Variants in OR5AN1 observed in about 807,000 individuals in gnomAD.
The protein encoded by OR5AN1 is olfactory receptor 5AN1.
For missense variants in OR5AN1, 476 were observed against 368.9 expected (o/e 1.29, Z -2.38); for synonymous variants, 167 against 131.8 (o/e 1.27, Z -1.83).
At position 59,364,571 on chromosome 11, in the gene OR5AN1, C is replaced by T; in HGVS notation, c.113C>T (p.Thr38Ile). 1 of 1,613,854 alleles carries T rather than the reference C, an allele frequency of 6.2e-7. No individual in the cohort carries two copies. The highest frequency in any genetic ancestry group is 1.1e-5 in the South Asian group (1 of 91,064). Residue 38 changes from threonine (T) to isoleucine (I), a missense_variant, in exon 2 of 2, where the codon ACA becomes ATA. Thr to Ile is a moderately conservative substitution (Grantham distance 89, BLOSUM62 -1). Transcript: ENST00000641998. ...ACTATATTCCTGGTGATCTACATTA[C>T]ATCTCTGGCCTGGAACCTCTCCCTC... is the stretch of plus-strand genomic sequence containing the variant. ...LFTIFLVIYI[T>I]SLAWNLSLIV...
At chr11:59,361,110 A>G (rs567177560) in intron 1 of OR5AN1, among the ~76,000 whole-genome samples, 3 of 145,030 alleles carry the variant, frequency 2.1e-5, no homozygotes, top group Non-Finnish European at 4.8e-5. Context: ...ACACAATACT[A>G]CAAGATAGAA....
chr11:59,364,591 T>TC lies in OR5AN1; in HGVS notation c.136dup (p.Leu46ProfsTer21). On this transcript the variant is annotated frameshift_variant, in exon 2 of 2. Transcript: ENST00000641998. LOFTEE classifies it low-confidence loss of function (END_TRUNC). ...CATTACATCTCTGGCCTGGAACCTC[T>TC]CCCTCATTGTTTTAATAAGGATGGA... 1 of 1,613,950 alleles carries TC rather than the reference T, an allele frequency of 6.2e-7. No individual in the cohort carries two copies. Among genetic ancestry groups the TC allele is most frequent in the East Asian group, 2.2e-5 (1 of 44,878 alleles).
At chr11:59,363,374 T>A (rs1176648253) in intron 1 of OR5AN1, among the ~76,000 whole-genome samples, 1 of 152,180 alleles carries the variant, frequency 6.6e-6, no homozygotes, top group Non-Finnish European at 1.5e-5. Context: ...AACTCCAAAG[T>A]CTGAACCCTT....
intron 1 of OR5AN1, among the ~76,000 whole-genome samples, chr11:59,362,782 T>C (rs900140589): frequency 6.6e-6 from 1 of 152,222 alleles, no homozygotes; most frequent in African/African-American, 2.4e-5. Flanking sequence ...ATAAGTCTGT[T>C]GGTAAGCTCT....
intron 1 of OR5AN1, chr11:59,359,904 G>T (rs1486550270): frequency 6.6e-6 from 1 of 152,250 alleles, no homozygotes; most frequent in African/African-American, 2.4e-5. Context: ...GTCCTTATTA[G>T]ATTAGCACTG....
chr11:59,371,026 A>T lies in OR5AN1; in HGVS notation c.*5632A>T, dbSNP rs1857589710. 6.6e-6 allele frequency: 1 copy of T among 151,958 alleles called. No individual in the cohort carries two copies. The highest frequency in any genetic ancestry group is 1.9e-4 in the East Asian group (1 of 5,192). The allele number at this position is 151,958 out of a possible 1,614,324, so 9.4% of individuals were successfully genotyped here. A position where few individuals can be genotyped will look rare whatever the true frequency, so the allele number is the denominator to read the frequency against. ...CATGTCCATGTGTTATCTACACACA[A>T]TTGGGTTCTTTTGCTTTAATATTTG... On this transcript the variant is annotated 3_prime_UTR_variant, in exon 2 of 2. Transcript: ENST00000641998.
intron 1 of OR5AN1, among the ~76,000 whole-genome samples, chr11:59,361,348 C>G (rs1270485208): frequency 6.6e-6 from 1 of 152,152 alleles, no homozygotes; most frequent in African/African-American, 2.4e-5. Context: ...GTGGCACAAT[C>G]TCGGTTCACT....
chr11:59,365,108 T>C lies in OR5AN1; in HGVS notation c.650T>C (p.Ile217Thr). The C allele has an allele frequency of 2.8e-5, 45 of 1,614,154 alleles. No individual in the cohort carries two copies. The highest frequency in any genetic ancestry group is 3.8e-5 in the Non-Finnish European group (45 of 1,179,994). Residue 217 changes from isoleucine (I) to threonine (T), a missense_variant, in exon 2 of 2, where the codon ATA becomes ACA. Transcript: ENST00000641998. ...FGIASALVIM[I>T]SYGYIGISIM... ...ATAGCAAGTGCCCTAGTTATCATGA[T>C]ATCCTATGGCTATATTGGCATCTCC...
Position 59,364,588 on chromosome 11 carries a change from C to A in OR5AN1, c.130C>A (p.Leu44Ile), listed in dbSNP as rs1040482283. 49 of 1,613,234 alleles carry A rather than the reference C, an allele frequency of 3.0e-5. No individual in the cohort carries two copies. Among genetic ancestry groups the A allele is most frequent in the Non-Finnish European group, 4.0e-5 (47 of 1,179,518 alleles). The change falls in exon 2 of 2, where the codon CTC becomes ATC. Residue 44 changes from leucine to isoleucine, a missense_variant. Leu to Ile is a conservative substitution (Grantham distance 5). Transcript: ENST00000641998. The stretch of plus-strand genomic sequence containing the variant: ...CTACATTACATCTCTGGCCTGGAAC[C>A]TCTCCCTCATTGTTTTAATAAGGAT... ...VIYITSLAWN[L>I]SLIVLIRMDS...
Position 59,365,082 on chromosome 11 carries a change from G to A in OR5AN1, c.624G>A (p.Gly208=), listed in dbSNP as rs748163952. Residue 208 remains glycine (G), a synonymous_variant, in exon 2 of 2, where the codon GGG becomes GGA. Transcript: ENST00000641998. ...CTGCTATATTAACCATGTTCTTTGG[G>A]ATAGCAAGTGCCCTAGTTATCATGA... ...VMTAILTMFF[G]IASALVIMIS... 1 of 1,614,124 alleles carries A rather than the reference G, an allele frequency of 6.2e-7. No individual in the cohort carries two copies. The highest frequency in any genetic ancestry group is 8.5e-7 in the Non-Finnish European group (1 of 1,179,986).
chr11:59,360,664 A>G (rs1292793103), intron 1 of OR5AN1, among the ~76,000 whole-genome samples: 2 of 152,084 alleles, frequency 1.3e-5, no homozygotes, highest in Non-Finnish European at 2.9e-5. Flanking sequence ...TCCCACTTGT[A>G]AGTGAGAAGA....
chr11:59,363,819 G>A (rs969079100), intron 1 of OR5AN1, among the ~76,000 whole-genome samples: 4 of 152,156 alleles, frequency 2.6e-5, no homozygotes, highest in African/African-American at 9.7e-5. Flanking sequence ...CTGGAGAGCA[G>A]CAGCATGATC....
rs181248322 is a variant in OR5AN1, at chr11:59,368,354, G to A, written c.*2960G>A. On this transcript the variant is annotated 3_prime_UTR_variant, in exon 2 of 2. Coordinates refer to ENST00000641998, the MANE Select transcript of OR5AN1 (RefSeq NM_001004729.2). ...AGGCCTGGGCTTCCAGCCACCACCAGCCAGAACTATCAAGCCAGTATCAAA... is the reference window on the plus strand; with the variant it reads ...AGGCCTGGGCTTCCAGCCACCACCAACCAGAACTATCAAGCCAGTATCAAA... The A allele has an allele frequency of 1.1e-3, 174 of 152,516 alleles. 1 individual carries two copies. The highest frequency in any genetic ancestry group is 4.0e-3 in the African/African-American group (166 of 41,582). 9.4% of individuals were successfully genotyped at this position (152,516 alleles called of 1,614,324 possible).
chr11:59,361,984 T>TTG (rs144506810), intron 1 of OR5AN1, among the ~76,000 whole-genome samples: 1,957 of 139,726 alleles, frequency 0.014, 21 homozygotes, highest in African/African-American at 0.03. Flanking sequence ...GTGTGTGTGT[T>TTG]TGTGTGTGTG....
chr11:59,360,484 T>C (rs1857451166), intron 1 of OR5AN1, among the ~76,000 whole-genome samples: 1 of 152,182 alleles, frequency 6.6e-6, no homozygotes, highest in Non-Finnish European at 1.5e-5. Context: ...GCTACATAGG[T>C]AAATGTGTTT....
chr11:59,364,273 G>A, intron 1 of OR5AN1, 173 bp from the exon 2 acceptor site: 1 of 531,714 alleles, frequency 1.9e-6, no homozygotes, highest in Non-Finnish European at 3.3e-6. Flanking sequence ...CTGAAGCATT[G>A]TGCAGGTACA....
At position 59,365,153 on chromosome 11, in the gene OR5AN1, C is replaced by T; in HGVS notation, c.695C>T (p.Ala232Val). 3 of 1,614,030 alleles carry T rather than the reference C, an allele frequency of 1.9e-6. No homozygotes were observed. The highest frequency in any genetic ancestry group is 1.1e-5 in the South Asian group (1 of 91,072). The change falls in exon 2 of 2, where the codon GCT becomes GTT. Residue 232 changes from alanine (A) to valine (V), a missense_variant. Ala to Val is a moderately conservative substitution (Grantham distance 64). Coordinates refer to ENST00000641998, the MANE Select transcript of OR5AN1 (RefSeq NM_001004729.2). ...IGISIMKITSAKGRSKAFNTC... is the reference protein window; with the variant it reads ...IGISIMKITSVKGRSKAFNTC... ...ATCTCCATCATGAAGATCACTTCAG[C>T]TAAAGGCAGGTCCAAGGCATTCAAC...
chr11:59,361,434 C>A (rs1857461415), intron 1 of OR5AN1, among the ~76,000 whole-genome samples: 1 of 152,132 alleles, frequency 6.6e-6, no homozygotes, highest in Non-Finnish European at 1.5e-5. Flanking sequence ...GCGTGCGCCA[C>A]AAAGCCTGGC....
rs1332936453 is a variant in OR5AN1, at chr11:59,368,829, T to C, written c.*3435T>C. On this transcript the variant is annotated 3_prime_UTR_variant, in exon 2 of 2. Coordinates refer to ENST00000641998, the MANE Select transcript of OR5AN1 (RefSeq NM_001004729.2). ...AGCCCAGGAGTGCTGAATCAGGAAC[T>C]ACAGGCAGCACTCAGGGGGAGAGGA... 7.2e-4 allele frequency: 109 copies of C among 152,296 alleles called. No individual in the cohort carries two copies. Among genetic ancestry groups the C allele is most frequent in the African/African-American group, 2.5e-3 (104 of 41,524 alleles). 9.4% of individuals were successfully genotyped at this position (152,296 alleles called of 1,614,324 possible).
Sources: gnomAD v4.1 joint callset for allele counts (sites outside exome capture counted in the v4.1 genomes callset) on GRCh38, gnomAD v4.1.1 for gene constraint, MANE v1.5 for transcripts, NCBI Gene and HGNC (gene_info 2026-07-23, HGNC 2026-07-21) for gene names.